DCC: variants seen among roughly 807,000 people sequenced by gnomAD.
DCC encodes DCC netrin 1 receptor.
DCC carries 58 observed loss-of-function variants against 172.5 expected under a neutral mutation model. The observed-to-expected ratio is 0.34, with a 90% CI of 0.27 to 0.42. The LOEUF (loss-of-function observed/expected upper bound fraction) is 0.42. Ranked by LOEUF, DCC falls within the 10% of genes least tolerant of loss-of-function variation. DCC has a pLI of 1.00. For missense variants in DCC, 1,740 were observed against 1,791.0 expected (o/e 0.97, Z 0.51); for synonymous variants, 709 against 644.5 (o/e 1.10, Z -1.52).
At chr18:52,484,042 A>T (rs2030087552) in intron 1 of DCC, among the ~76,000 whole-genome samples, 2 of 152,116 alleles carry the variant, frequency 1.3e-5, no homozygotes, top group South Asian at 4.1e-4. Flanking sequence ...GGGAAAAAAT[A>T]ATATTGATTT....
intron 22 of DCC, among the ~76,000 whole-genome samples, chr18:53,446,676 T>C (rs8095058): frequency 0.83 from 126,440 of 152,112 alleles, 52,923 homozygotes; most frequent in Non-Finnish European, 0.88. Flanking sequence ...ACTCACAGTG[T>C]TTTCATGGCC....
intron 1 of DCC, among the ~76,000 whole-genome samples, chr18:52,631,133 T>A (rs2144880028): frequency 6.6e-6 from 1 of 152,332 alleles, no homozygotes; most frequent in South Asian, 2.1e-4. Flanking sequence ...CATTATACTT[T>A]TTCTAATAAA....
intron 5 of DCC, among the ~76,000 whole-genome samples, chr18:52,969,677 C>A (rs1270682614): frequency 6.7e-6 from 1 of 149,848 alleles, no homozygotes; most frequent in Non-Finnish European, 1.5e-5. Flanking sequence ...CTCCAACATT[C>A]TAAAGCTTCT....
At chr18:52,427,831 C>CCTTCCTTCCTTCCTTCCTTT (rs1568165713) in intron 1 of DCC, among the ~76,000 whole-genome samples, 2 of 47,672 alleles carry the variant, frequency 4.2e-5, no homozygotes, top group African/African-American at 1.2e-4. Context: ...TTCCTTCCTT[C>CCTTCCTTCCTTCCTTCCTTT]CTTTCTTCCT....
At chr18:52,578,797 G>T (rs1334885672) in intron 1 of DCC, among the ~76,000 whole-genome samples, 1 of 152,104 alleles carries the variant, frequency 6.6e-6, no homozygotes, top group Non-Finnish European at 1.5e-5. Context: ...TCGAGATTGA[G>T]ACCATCCTGG....
intron 15 of DCC, among the ~76,000 whole-genome samples, chr18:53,341,266 G>A (rs141280044): frequency 7.9e-4 from 120 of 152,254 alleles, no homozygotes; most frequent in African/African-American, 2.8e-3. Context: ...CAATGAGAAT[G>A]TGCTGCAAAC....
chr18:53,272,255 A>G (rs2056757846), intron 12 of DCC, among the ~76,000 whole-genome samples: 1 of 152,176 alleles, frequency 6.6e-6, no homozygotes, highest in South Asian at 2.1e-4. Flanking sequence ...AAAGTAGAAT[A>G]TGTATTACCT....
At chr18:52,740,099 C>T (rs1204800519) in intron 1 of DCC, among the ~76,000 whole-genome samples, 1 of 152,112 alleles carries the variant, frequency 6.6e-6, no homozygotes, top group Non-Finnish European at 1.5e-5. Flanking sequence ...GTCCTTCATC[C>T]TTGAGGTTCA....
chr18:52,979,979 A>T (rs1404550154), intron 5 of DCC, among the ~76,000 whole-genome samples: 1 of 152,144 alleles, frequency 6.6e-6, no homozygotes, highest in South Asian at 2.1e-4. Context: ...AGGAGAGGGG[A>T]TGTGAGTTCT....
chr18:52,893,118 C>G (rs1209937944), intron 2 of DCC, among the ~76,000 whole-genome samples: 2 of 152,126 alleles, frequency 1.3e-5, no homozygotes, highest in Non-Finnish European at 2.9e-5. Context: ...GCAGACTACT[C>G]TCTCTACTGC....
intron 16 of DCC, among the ~76,000 whole-genome samples, chr18:53,387,356 T>C (rs965047777): frequency 2.7e-4 from 41 of 152,202 alleles, no homozygotes; most frequent in African/African-American, 9.6e-4. Context: ...AAGTTGCTAT[T>C]GTAGTCTCTT....
At chr18:52,527,927 T>C (rs1418460499) in intron 1 of DCC, among the ~76,000 whole-genome samples, 1 of 152,222 alleles carries the variant, frequency 6.6e-6, no homozygotes, top group Non-Finnish European at 1.5e-5. Context: ...AATGATTTTC[T>C]AGGCAGCCCA....
At chr18:52,666,371 A>T (rs898264612) in intron 1 of DCC, among the ~76,000 whole-genome samples, 6 of 152,182 alleles carry the variant, frequency 3.9e-5, no homozygotes, top group African/African-American at 1.4e-4. Context: ...TGAATATAAA[A>T]CCTACTATGT....
At chr18:52,597,435 C>T (rs898710419) in intron 1 of DCC, among the ~76,000 whole-genome samples, 7 of 152,154 alleles carry the variant, frequency 4.6e-5, no homozygotes, top group Admixed American at 1.3e-4. Flanking sequence ...TGTCAACTGG[C>T]AGCGATGGGT....
At chr18:52,588,564 A>G (rs2033728258) in intron 1 of DCC, among the ~76,000 whole-genome samples, 1 of 152,242 alleles carries the variant, frequency 6.6e-6, no homozygotes, top group Non-Finnish European at 1.5e-5. Context: ...ACATGAATGA[A>G]CACATAATTA....
At chr18:53,201,602 A>G (rs754712377) in intron 9 of DCC, among the ~76,000 whole-genome samples, 3 of 152,182 alleles carry the variant, frequency 2.0e-5, no homozygotes, top group Non-Finnish European at 4.4e-5. Flanking sequence ...TTTTTCTTTA[A>G]AATACAGTAC....
At chr18:52,604,452 C>T (rs2034089641) in intron 1 of DCC, among the ~76,000 whole-genome samples, 1 of 152,136 alleles carries the variant, frequency 6.6e-6, no homozygotes, top group Non-Finnish European at 1.5e-5. Context: ...AATGCAGTTG[C>T]TGTAATTTTA....
intron 2 of DCC, among the ~76,000 whole-genome samples, chr18:52,784,670 T>C (rs570071328): frequency 6.6e-6 from 1 of 152,022 alleles, no homozygotes; most frequent in Non-Finnish European, 1.5e-5. Context: ...GATGTTGATA[T>C]TGAAAATTTT....
chr18:52,597,313 G>C (rs2144809781), intron 1 of DCC, among the ~76,000 whole-genome samples: 1 of 152,274 alleles, frequency 6.6e-6, no homozygotes, highest in South Asian at 2.1e-4. Context: ...CTGTTAATCA[G>C]AAGTGTTTAC....
Sources: allele counts gnomAD v4.1 joint callset (sites outside exome capture counted in the v4.1 genomes callset), GRCh38; gene constraint gnomAD v4.1.1; transcripts MANE v1.5; gene names NCBI Gene and HGNC (gene_info 2026-07-23, HGNC 2026-07-21).